Variants in ZNF804B observed in about 807,000 individuals in gnomAD.
ZNF804B encodes the protein zinc finger 804B.
Under a neutral mutation model 101.4 loss-of-function variants are expected in ZNF804B, and 80 were observed. That is an observed-to-expected ratio of 0.79 (90% CI 0.66 to 0.95). ZNF804B has a LOEUF of 0.95. ZNF804B is among the 40% of genes least tolerant of loss of function. ZNF804B has a pLI of 0.00. For missense variants in ZNF804B, 1,673 were observed against 1,561.9 expected (o/e 1.07, Z -1.20); for synonymous variants, 622 against 558.8 (o/e 1.11, Z -1.59).
chr7:88,785,101 A>T (rs762669158), intron 1 of ZNF804B, among the ~76,000 whole-genome samples: 1 of 152,144 alleles, frequency 6.6e-6, no homozygotes. Context: ...GAGGAAATAC[A>T]TCAAACTCTG....
chr7:88,797,937 T>C (rs1027877227), intron 1 of ZNF804B, among the ~76,000 whole-genome samples: 1 of 152,180 alleles, frequency 6.6e-6, no homozygotes, highest in African/African-American at 2.4e-5. Flanking sequence ...CCCACTATCT[T>C]CTTGGATTCC....
Position 89,312,743 on chromosome 7 carries a change from C to G in ZNF804B, c.250-14601C>G, listed in dbSNP as rs373167186. 2.1e-4 allele frequency among the ~76,000 whole-genome samples: 32 copies of G among 151,636 alleles called. No individual in the cohort carries two copies. The East Asian group carries it at 5.2e-3, about 25-fold the overall frequency. ...GTGCTGTGATGCATGCCTGTAGTCC[C>G]AGCTACTAGGAAGGCTGAAGAAGGA... On this transcript the variant is annotated intron_variant, in intron 2 of 3. Coordinates refer to ENST00000333190, the MANE Select transcript of ZNF804B (RefSeq NM_181646.5).
chr7:88,988,944 A>G (rs942704954), intron 1 of ZNF804B, among the ~76,000 whole-genome samples: 1 of 152,090 alleles, frequency 6.6e-6, no homozygotes, highest in Non-Finnish European at 1.5e-5. Context: ...ATCCAGGGGA[A>G]GATTTGCAAA....
At chr7:88,988,873 G>C (rs1051079301) in intron 1 of ZNF804B, among the ~76,000 whole-genome samples, 62 of 152,224 alleles carry the variant, frequency 4.1e-4, no homozygotes, top group African/African-American at 1.3e-3. Flanking sequence ...TGCTGTCTAT[G>C]TAAACATGGC....
chr7:89,124,324 C>G (rs1194157200), intron 1 of ZNF804B, among the ~76,000 whole-genome samples: 1 of 152,112 alleles, frequency 6.6e-6, no homozygotes, highest in Admixed American at 6.6e-5. Context: ...TTACTCTATC[C>G]TACGCAGAAG....
chr7:89,251,561 A>G (rs892805490), intron 2 of ZNF804B, among the ~76,000 whole-genome samples: 1 of 152,188 alleles, frequency 6.6e-6, no homozygotes, highest in Non-Finnish European at 1.5e-5. Flanking sequence ...CTATCAAGCT[A>G]CCAATGTTAT....
At chr7:89,091,503 A>G (rs1399907448) in intron 1 of ZNF804B, among the ~76,000 whole-genome samples, 2 of 152,194 alleles carry the variant, frequency 1.3e-5, no homozygotes, top group South Asian at 4.1e-4. Context: ...TCGAAAGTAG[A>G]TAACTAGCCT....
intron 1 of ZNF804B, among the ~76,000 whole-genome samples, chr7:88,998,089 C>T (rs1372334364): frequency 6.6e-6 from 1 of 152,050 alleles, no homozygotes; most frequent in Non-Finnish European, 1.5e-5. Flanking sequence ...TGCCTGTCAC[C>T]TTATGTTTCT....
At position 88,931,170 on chromosome 7, in the gene ZNF804B, C is replaced by A. The variant is rs1343655548; in HGVS notation, c.108+171086C>A. On this transcript the variant is annotated intron_variant, in intron 1 of 3. Coordinates refer to ENST00000333190, the MANE Select transcript of ZNF804B (RefSeq NM_181646.5). Reference sequence around the variant, plus strand: ...CTTTCCTGAGAAAGATACTTCTTTGCCATAAGGCTTAAAACTATTCATAAA... The same window carrying A: ...CTTTCCTGAGAAAGATACTTCTTTGACATAAGGCTTAAAACTATTCATAAA... Among the ~76,000 whole-genome samples, 5 of 151,746 alleles carry A rather than the reference C, an allele frequency of 3.3e-5. No individual in the cohort carries two copies. In the East Asian group the frequency reaches 9.7e-4, roughly 29 times the overall value.
At chr7:89,165,900 A>G (rs1286219615) in intron 1 of ZNF804B, among the ~76,000 whole-genome samples, 1 of 152,152 alleles carries the variant, frequency 6.6e-6, no homozygotes, top group Non-Finnish European at 1.5e-5. Context: ...GACCTATTGT[A>G]TATCATACCA....
rs560447526 is a variant in ZNF804B at position 89,254,766 on chromosome 7, G to A, written c.249+36471G>A. 4.9e-3 allele frequency among the ~76,000 whole-genome samples: 742 copies of A among 151,272 alleles called. 3 individuals are homozygous for A. Among genetic ancestry groups the A allele is most frequent in the African/African-American group, 0.014 (565 of 41,250 alleles). On this transcript the variant is annotated intron_variant, in intron 2 of 3. Coordinates refer to ENST00000333190, the MANE Select transcript of ZNF804B (RefSeq NM_181646.5). Reference sequence around the variant, plus strand: ...GTTCAAGCAATTCTCCTGCCTCAGCGTCCCCAGTAGCTGGGATTACAGGCG... The same window carrying A: ...GTTCAAGCAATTCTCCTGCCTCAGCATCCCCAGTAGCTGGGATTACAGGCG...
chr7:89,150,940 A>G (rs967785654), intron 1 of ZNF804B, among the ~76,000 whole-genome samples: 3 of 152,102 alleles, frequency 2.0e-5, no homozygotes, highest in South Asian at 2.1e-4. Context: ...CACTTAAATA[A>G]CTGAACTCTT....
At chr7:89,233,910 A>C (rs927814799) in intron 2 of ZNF804B, among the ~76,000 whole-genome samples, 1 of 152,152 alleles carries the variant, frequency 6.6e-6, no homozygotes, top group Admixed American at 6.5e-5. Context: ...ATGTGTGGCC[A>C]TTGCTCCCTG....
At chr7:89,249,203 G>A (rs2115783362) in intron 2 of ZNF804B, among the ~76,000 whole-genome samples, 1 of 152,178 alleles carries the variant, frequency 6.6e-6, no homozygotes, top group Admixed American at 6.5e-5. Context: ...AACAGTGGGG[G>A]ACTTGAACAC....
intron 1 of ZNF804B, among the ~76,000 whole-genome samples, chr7:88,960,736 G>A (rs565096075): frequency 7.9e-5 from 12 of 151,026 alleles, no homozygotes; most frequent in East Asian, 5.9e-4. Context: ...TGAATTCCAC[G>A]AGCTTTGTGA....
chr7:89,170,572 T>G (rs1791208185), intron 1 of ZNF804B, among the ~76,000 whole-genome samples: 1 of 152,174 alleles, frequency 6.6e-6, no homozygotes, highest in East Asian at 1.9e-4. Flanking sequence ...AGTAGAAGGA[T>G]TTGTGAGTCT....
rs376375602 is a variant in ZNF804B, at chr7:88,954,525, A to C, written c.108+194441A>C. On this transcript the variant is annotated intron_variant, in intron 1 of 3. Coordinates refer to ENST00000333190, the MANE Select transcript of ZNF804B (RefSeq NM_181646.5). ...TTATCTCACAAAGATGTCAATTAGC[A>C]TGCTATAAGAGAAACTCTTTCTAAA... is the stretch of plus-strand genomic sequence containing the variant. Among the ~76,000 whole-genome samples the C allele has an allele frequency of 4.9e-4, 73 of 148,566 alleles. No individual in the cohort carries two copies. In the South Asian group the frequency reaches 6.5e-3, roughly 13 times the overall value.
intron 1 of ZNF804B, among the ~76,000 whole-genome samples, chr7:89,183,476 T>C (rs768584068): frequency 1.3e-5 from 2 of 152,140 alleles, no homozygotes; most frequent in Non-Finnish European, 2.9e-5. Context: ...AATACTGATA[T>C]TAAAAAGTCT....
intron 1 of ZNF804B, among the ~76,000 whole-genome samples, chr7:88,849,924 T>C (rs1369085129): frequency 6.6e-6 from 1 of 151,956 alleles, no homozygotes; most frequent in Non-Finnish European, 1.5e-5. Flanking sequence ...AGAAAAAAAT[T>C]TGACCTCCTT....
Sources: gnomAD v4.1 joint callset for allele counts (sites outside exome capture counted in the v4.1 genomes callset) on GRCh38, gnomAD v4.1.1 for gene constraint, MANE v1.5 for transcripts, NCBI Gene and HGNC (gene_info 2026-07-23, HGNC 2026-07-21) for gene names.